Variants in NECTIN1 observed in about 807,000 individuals in gnomAD.
The protein encoded by NECTIN1 is nectin cell adhesion molecule 1.
In NECTIN1, 23 loss-of-function variants were observed where a neutral mutation model predicts 48.0. That is an observed-to-expected ratio of 0.48 (90% CI 0.34 to 0.68). The LOEUF (loss-of-function observed/expected upper bound fraction) is 0.68, where lower values mean the gene tolerates loss of function less well. Among genes scored for constraint, NECTIN1 ranks in the 30% least tolerant of loss-of-function variants. The probability of loss-of-function intolerance (pLI) is 0.01; values close to 1 mark genes in which losing one functional copy is unlikely to be tolerated. For synonymous variants in NECTIN1, 270 were observed against 288.9 expected (o/e 0.93, Z 0.66); for missense variants, 591 against 709.9 (o/e 0.83, Z 1.90).
At chr11:119,688,355 C>G (rs1377825630) in intron 1 of NECTIN1, among the ~76,000 whole-genome samples, 2 of 152,054 alleles carry the variant, frequency 1.3e-5, no homozygotes, top group Non-Finnish European at 2.9e-5. Flanking sequence ...GGCTCTAAGC[C>G]CACCCTGTGA....
In NECTIN1 at chr11:119,664,523, G is replaced by A. The variant is rs1383760243; in HGVS notation, c.*224C>T. The A allele has an allele frequency of 8.5e-6, 12 of 1,414,094 alleles. No individual in the cohort carries two copies. Among genetic ancestry groups the A allele is most frequent in the Admixed American group, 3.0e-5 (1 of 33,792 alleles). The allele number at this position is 1,414,094 out of a possible 1,614,324, so 87.6% of individuals were successfully genotyped here. A position where few individuals can be genotyped will look rare whatever the true frequency, so the allele number is the denominator to read the frequency against. ...ATACAGTAACACTAAAGCCACAGTC[G>A]AACACAACACCATGGGGAAGGGCGG... On this transcript the variant is annotated 3_prime_UTR_variant, in exon 6 of 6. Transcript: ENST00000264025.
At position 119,648,412 on chromosome 11, in the gene NECTIN1, G is replaced by A. The variant is rs55919643; in HGVS notation, c.1004-8400C>T. On this transcript the variant is annotated intron_variant, in intron 5 of 7. Coordinates refer to the NECTIN1 transcript ENST00000341398. ...GGTGGTGATGGTGGTGATGGTGATG[G>A]TGGTGGTGATGGTGGTGATGGTGGT... is the stretch of plus-strand genomic sequence containing the variant. 1.1e-3 allele frequency among the ~76,000 whole-genome samples: 48 copies of A among 44,432 alleles called. 3 individuals are homozygous for A. Among genetic ancestry groups the A allele is most frequent in the African/African-American group, 1.7e-3 (13 of 7,494 alleles). 29.1% of individuals were successfully genotyped at this position (44,432 alleles called of 152,430 possible).
intron 5 of NECTIN1, among the ~76,000 whole-genome samples, chr11:119,671,776 A>G (rs1864864323): frequency 6.6e-6 from 1 of 152,286 alleles, no homozygotes; most frequent in Non-Finnish European, 1.5e-5. Context: ...GCCTCGTGTC[A>G]GACCATCAGG....
chr11:119,642,909 C>T (rs1391519762), intron 5 of NECTIN1: 1 of 153,456 alleles, frequency 6.5e-6, no homozygotes, highest in Non-Finnish European at 1.5e-5. Flanking sequence ...TTCTTTTTTT[C>T]TGAGTATTTT....
chr11:119,650,099 A>G (rs140870751), intron 5 of NECTIN1, among the ~76,000 whole-genome samples: 1 of 152,086 alleles, frequency 6.6e-6, no homozygotes, highest in African/African-American at 2.4e-5. Context: ...TGGGGGTCAC[A>G]AGGTACTCAG....
intron 5 of NECTIN1, among the ~76,000 whole-genome samples, chr11:119,666,436 G>C (rs867414676): frequency 2.0e-5 from 3 of 152,244 alleles, no homozygotes; most frequent in African/African-American, 7.2e-5. Flanking sequence ...CCACAGTACT[G>C]TTCTTTGGCC....
chr11:119,723,365 T>C (rs138336758), intron 1 of NECTIN1, among the ~76,000 whole-genome samples: 78 of 152,078 alleles, frequency 5.1e-4, no homozygotes, highest in African/African-American at 1.8e-3. Flanking sequence ...GCTGCCAAGA[T>C]GGAGTGATCA....
downstream of NECTIN1, among the ~76,000 whole-genome samples, chr11:119,656,782 G>A (rs963592985): frequency 2.6e-5 from 4 of 152,186 alleles, no homozygotes; most frequent in Non-Finnish European, 5.9e-5. Context: ...CTCCCCGAGG[G>A]TCCTCCCTCA....
chr11:119,710,646 T>C (rs1232703580), intron 1 of NECTIN1, among the ~76,000 whole-genome samples: 1 of 152,122 alleles, frequency 6.6e-6, no homozygotes, highest in African/African-American at 2.4e-5. Flanking sequence ...GTTTGCCAGC[T>C]GGTGAAGTAG....
chr11:119,685,146 A>G (rs898459196), intron 1 of NECTIN1, among the ~76,000 whole-genome samples: 3 of 152,206 alleles, frequency 2.0e-5, no homozygotes, highest in African/African-American at 7.2e-5. Context: ...TGCAGTGCAG[A>G]GACTTTGGCT....
chr11:119,639,988 A>G, exon 6 of NECTIN1: 1 of 1,613,724 alleles, frequency 6.2e-7, no homozygotes, highest in Non-Finnish European at 8.5e-7. Flanking sequence ...TGCACTTCCC[A>G]GACCCCTCTG....
rs374643713 is a variant in NECTIN1 at position 119,664,830 on chromosome 11, C to T, written c.1471G>A (p.Asp491Asn). 8.4e-5 allele frequency: 135 copies of T among 1,613,794 alleles called. No individual in the cohort carries two copies. Among genetic ancestry groups the T allele is most frequent in the Admixed American group, 6.0e-4 (36 of 59,982 alleles). The change falls in exon 6 of 6, where the codon GAC (aspartate) becomes AAC (asparagine). Residue 491 changes from aspartate to asparagine, a missense_variant. Asp to Asn is a conservative substitution (Grantham distance 23). Coordinates refer to ENST00000264025, the MANE Select transcript of NECTIN1 (RefSeq NM_002855.5). ...TCAGCCAAGTCCAGCTGCTCAGGGT[C>T]GTACTGGTAGCCCAGAGTCCGGTCC... ...YGDRTLGYQY[D>N]PEQLDLAENM...
intron 1 of NECTIN1, among the ~76,000 whole-genome samples, chr11:119,717,183 G>A (rs1035503567): frequency 6.6e-6 from 1 of 152,238 alleles, no homozygotes; most frequent in South Asian, 2.1e-4. Flanking sequence ...CATCATCACC[G>A]CCCCTTCAGG....
intron 1 of NECTIN1, among the ~76,000 whole-genome samples, chr11:119,701,452 T>C (rs1435524526): frequency 6.6e-6 from 1 of 152,210 alleles, no homozygotes; most frequent in East Asian, 1.9e-4. Context: ...CTCAGAACCC[T>C]AGGCAAGTGG....
intron 6 of NECTIN1, chr11:119,638,830 T>A (rs1339364976): frequency 1.9e-6 from 3 of 1,601,194 alleles, no homozygotes; most frequent in African/African-American, 2.7e-5. Context: ...GAGGGTAAGC[T>A]CAGCACAGGA....
Position 119,677,437 on chromosome 11 carries a change from A to G in NECTIN1, c.733+118T>C. 1.2e-5 allele frequency: 14 copies of G among 1,202,528 alleles called. No individual in the cohort carries two copies. Among genetic ancestry groups the G allele is most frequent in the Non-Finnish European group, 1.6e-5 (13 of 819,872 alleles). The allele number at this position is 1,202,528 out of a possible 1,614,324, so 74.5% of individuals were successfully genotyped here. On this transcript the variant is annotated intron_variant, in intron 3 of 5. Transcript: ENST00000264025. The surrounding 1 kb of genome is among the most constrained non-coding windows in gnomAD (Gnocchi z 5.4). ...AACGAGCAAAGGGAGGAGATAGGGG[A>G]GACAGGAGGGGAGAAGAAAGCACCC...
intron 1 of NECTIN1, among the ~76,000 whole-genome samples, chr11:119,690,318 A>G (rs1235998875): frequency 6.6e-6 from 1 of 152,134 alleles, no homozygotes; most frequent in Non-Finnish European, 1.5e-5. Flanking sequence ...TCCAACAACA[A>G]CAAAAAAAAT....
rs1206427740 is a variant in NECTIN1 at position 119,665,408 on chromosome 11, A to C, written c.1004-111T>G. The C allele has an allele frequency of 6.9e-7, 1 of 1,454,482 alleles. No individual in the cohort carries two copies. Among genetic ancestry groups the C allele is most frequent in the Non-Finnish European group, 9.0e-7 (1 of 1,107,278 alleles). The allele number at this position is 1,454,482 out of a possible 1,614,324, so 90.1% of individuals were successfully genotyped here. ...AGGCCAGGAAGGACAGGCTGTCTGC[A>C]CCCCAGGTTTGAGCAGCTCCAGTTC... is the stretch of plus-strand genomic sequence containing the variant. On this transcript the variant is annotated intron_variant, in intron 5 of 5. Transcript: ENST00000264025. This position sits in a 1 kb window ranked among gnomAD's most constrained non-coding sequence, Gnocchi z 5.1.
intron 1 of NECTIN1, among the ~76,000 whole-genome samples, chr11:119,719,905 A>G (rs1405231571): frequency 2.6e-5 from 4 of 152,188 alleles, no homozygotes; most frequent in African/African-American, 7.2e-5. Flanking sequence ...AAAGCTTCAC[A>G]ATAGAAGTGG....
Sources: gnomAD v4.1 joint callset for allele counts (sites outside exome capture counted in the v4.1 genomes callset) on GRCh38, gnomAD v4.1.1 for gene constraint, Gnocchi (gnomAD v3.1) non-coding constraint, MANE v1.5 for transcripts, NCBI Gene and HGNC (gene_info 2026-07-23, HGNC 2026-07-21) for gene names.